SLC37A3: variants seen among roughly 807,000 people sequenced by gnomAD.
SLC37A3 encodes solute carrier family 37 member 3.
A neutral mutation model predicts 67.1 loss-of-function variants in SLC37A3; 51 were observed. That is an observed-to-expected ratio of 0.76 (90% CI 0.61 to 0.96). The LOEUF (loss-of-function observed/expected upper bound fraction) is 0.96. SLC37A3 is among the 40% of genes least tolerant of loss of function. SLC37A3 has a pLI of 0.00. For synonymous variants in SLC37A3, 214 were observed against 231.4 expected, an observed-to-expected ratio of 0.92 and a Z score of 0.68; for missense variants, 508 against 603.0, an observed-to-expected ratio of 0.84 and a Z score of 1.65.
intron 13 of SLC37A3, among the ~76,000 whole-genome samples, chr7:140,340,298 T>A (rs1796309479): frequency 6.6e-6 from 1 of 151,958 alleles, no homozygotes; most frequent in African/African-American, 2.4e-5. Flanking sequence ...TCATTCTTTT[T>A]TTTTTTTTTC....
intron 1 of SLC37A3, among the ~76,000 whole-genome samples, chr7:140,389,676 C>T (rs1013762284): frequency 7.2e-5 from 11 of 152,260 alleles, no homozygotes; most frequent in African/African-American, 1.9e-4. Flanking sequence ...TACAATAGTG[C>T]GCAATCACTG....
intron 5 of SLC37A3, among the ~76,000 whole-genome samples, chr7:140,363,927 G>T (rs1257542418): frequency 6.6e-6 from 1 of 151,982 alleles, no homozygotes; most frequent in East Asian, 1.9e-4. Context: ...GGTGCCTGAG[G>T]GACAACAAAG....
At chr7:140,372,177 T>C (rs1002108552) in intron 3 of SLC37A3, among the ~76,000 whole-genome samples, 1 of 152,110 alleles carries the variant, frequency 6.6e-6, no homozygotes, top group Non-Finnish European at 1.5e-5. Flanking sequence ...AAAAATGTAA[T>C]GGGCTGCTTC....
chr7:140,348,168 T>C (rs1796642914), intron 10 of SLC37A3, among the ~76,000 whole-genome samples: 1 of 152,186 alleles, frequency 6.6e-6, no homozygotes, highest in Non-Finnish European at 1.5e-5. Flanking sequence ...AGTGGGGGAC[T>C]GGTGTATTCT....
chr7:140,340,441 C>A (rs974392181), intron 13 of SLC37A3, among the ~76,000 whole-genome samples: 1 of 151,816 alleles, frequency 6.6e-6, no homozygotes, highest in Non-Finnish European at 1.5e-5. Flanking sequence ...TCAATTTGGC[C>A]GCAGACACAA....
At chr7:140,351,930 C>T in intron 8 of SLC37A3, 132 bp downstream of exon 8, 2 of 907,130 alleles carry the variant, frequency 2.2e-6, no homozygotes, top group Non-Finnish European at 3.6e-6. Context: ...AACGGCAGTA[C>T]TGTTCTCCTT....
At position 140,348,748 on chromosome 7, in the gene SLC37A3, C is replaced by G; in HGVS notation, c.902G>C (p.Cys301Ser). 1 of 1,614,124 alleles carries G rather than the reference C, an allele frequency of 6.2e-7. No individual in the cohort carries two copies. ...GAAGGAGTAATTCACTAACTTCAAGCAGGCGTAGGCCAGTGAGTACTACAA... is the reference window on the plus strand; with the variant it reads ...GAAGGAGTAATTCACTAACTTCAAGGAGGCGTAGGCCAGTGAGTACTACAA... ...GVIPYSLAYA[C>S]LKLVNYSFFF... Residue 301 changes from cysteine (C) to serine (S), a missense_variant, in exon 10 of 15, where the codon TGC becomes TCC. By Grantham distance (112) the Cys-to-Ser change is moderately radical. Coordinates refer to ENST00000326232, the MANE Select transcript of SLC37A3 (RefSeq NM_207113.3).
intron 3 of SLC37A3, among the ~76,000 whole-genome samples, chr7:140,372,378 A>G (rs937863444): frequency 1.8e-4 from 27 of 152,172 alleles, no homozygotes; most frequent in Admixed American, 2.6e-4. Flanking sequence ...TGCAAGGTCA[A>G]AATTCTTTGC....
chr7:140,390,724 A>G (rs533264336), intron 1 of SLC37A3, among the ~76,000 whole-genome samples: 5 of 151,994 alleles, frequency 3.3e-5, no homozygotes, highest in Admixed American at 6.6e-5. Context: ...CCATCCCCCA[A>G]TAAAAACCCA....
Position 140,335,233 on chromosome 7 carries a change from G to A in SLC37A3, c.*179C>T, listed in dbSNP as rs768941551. On this transcript the variant is annotated 3_prime_UTR_variant, in exon 15 of 15. Coordinates refer to ENST00000326232, the MANE Select transcript of SLC37A3 (RefSeq NM_207113.3). ...AATCATCAACAGTAATTCCTGTAGTGTAGAAAACTAGTGCAGCCTTCACTG... is the reference window on the plus strand; with the variant it reads ...AATCATCAACAGTAATTCCTGTAGTATAGAAAACTAGTGCAGCCTTCACTG... 8.7e-6 allele frequency: 14 copies of A among 1,612,990 alleles called. No homozygotes were observed. Among genetic ancestry groups the A allele is most frequent in the Non-Finnish European group, 1.2e-5 (14 of 1,179,184 alleles).
At chr7:140,362,454 C>T (rs1399544535) in intron 5 of SLC37A3, among the ~76,000 whole-genome samples, 1 of 146,980 alleles carries the variant, frequency 6.8e-6, no homozygotes, top group Non-Finnish European at 1.5e-5. Flanking sequence ...GGCCAGCCGC[C>T]CCGTCTGGGA....
At position 140,348,623 on chromosome 7, in the gene SLC37A3, T is replaced by C. The variant is rs1467217187; in HGVS notation, c.1024+3A>G. 2 of 1,599,940 alleles carry C rather than the reference T, an allele frequency of 1.3e-6. No homozygotes were observed. Among genetic ancestry groups the C allele is most frequent in the Non-Finnish European group, 1.7e-6 (2 of 1,175,824 alleles). On this transcript the variant is annotated splice_donor_region_variant and intron_variant, in intron 10 of 14. Transcript: ENST00000326232. The stretch of plus-strand genomic sequence containing the variant: ...TTATGGAAAAGATGTATCACCGGCA[T>C]ACCTATGATCCCTCCAACGTCGTAC...
At chr7:140,337,989 CA>C (rs1796210002) in intron 13 of SLC37A3, among the ~76,000 whole-genome samples, 1 of 151,386 alleles carries the variant, frequency 6.6e-6, no homozygotes, top group Non-Finnish European at 1.5e-5. Context: ...CTCCCAGGTT[CA>C]CATCATTCTC....
chr7:140,376,943 T>A (rs1798054447), intron 3 of SLC37A3, among the ~76,000 whole-genome samples: 1 of 55,680 alleles, frequency 1.8e-5, no homozygotes, highest in Non-Finnish European at 5.1e-5. Context: ...CCAGCTAATT[T>A]TTTTTTTTTT....
At chr7:140,379,396 AC>A (rs998826771) in intron 3 of SLC37A3, 1 of 151,204 alleles carries the variant, frequency 6.6e-6, no homozygotes, top group Non-Finnish European at 1.5e-5. Flanking sequence ...AATGGTGTGA[AC>A]CTGGGAGGCG....
rs189322800 is a variant in SLC37A3, at chr7:140,354,351, C to T, written c.618+1317G>A. ...TCTGTTAGTCTTTCAACTGCAATGC[C>T]TGTCTCTTCAGGTTCTTAAAAGTAC... On this transcript the variant is annotated intron_variant, in intron 7 of 14. Transcript: ENST00000326232. Among the ~76,000 whole-genome samples, 219 of 152,230 alleles carry T rather than the reference C, an allele frequency of 1.4e-3. 1 individual carries two copies. The highest frequency in any genetic ancestry group is 5.1e-3 in the African/African-American group (212 of 41,536).
chr7:140,355,667 C>T lies in SLC37A3; in HGVS notation c.618+1G>A, dbSNP rs575251776. ...CACCAGAGCTAGAAAACAATACCTA[C>T]CTCATAACCATACTGAAGAACAGAA... is the stretch of plus-strand genomic sequence containing the variant. On this transcript the variant is annotated splice_donor_variant, in intron 7 of 14. Coordinates refer to ENST00000326232, the MANE Select transcript of SLC37A3 (RefSeq NM_207113.3). LOFTEE classifies it high-confidence loss of function. 1 of 1,612,616 alleles carries T rather than the reference C, an allele frequency of 6.2e-7. No homozygotes were observed. Among genetic ancestry groups the T allele is most frequent in the East Asian group, 2.2e-5 (1 of 44,876 alleles).
intron 5 of SLC37A3, among the ~76,000 whole-genome samples, chr7:140,363,736 G>C (rs1449802872): frequency 9.4e-6 from 1 of 106,940 alleles, no homozygotes; most frequent in Admixed American, 1.1e-4. Context: ...GCAAAACTCC[G>C]CCTCAAAAAA....
intron 7 of SLC37A3, among the ~76,000 whole-genome samples, chr7:140,354,449 A>G (rs1585282583): frequency 6.6e-6 from 1 of 150,916 alleles, no homozygotes; most frequent in Non-Finnish European, 1.5e-5. Flanking sequence ...TTTTTTTTTT[A>G]AACAACATAG....
Sources: gnomAD v4.1 joint callset for allele counts (sites outside exome capture counted in the v4.1 genomes callset) on GRCh38, gnomAD v4.1.1 for gene constraint, MANE v1.5 for transcripts, NCBI Gene and HGNC (gene_info 2026-07-23, HGNC 2026-07-21) for gene names.